Variants in RPS6KC1 observed in about 807,000 individuals in gnomAD.
The protein encoded by RPS6KC1 is ribosomal protein S6 kinase C1.
In RPS6KC1, 54 loss-of-function variants were observed where a neutral mutation model predicts 103.8. The ratio of observed to expected loss-of-function variants is 0.52; its 90% CI spans 0.42 to 0.65. RPS6KC1 has a LOEUF of 0.65. Ranked by LOEUF, RPS6KC1 falls within the 30% of genes least tolerant of loss-of-function variation. The pLI is 0.00. For missense variants in RPS6KC1, 1,151 were observed against 1,253.8 expected, an observed-to-expected ratio of 0.92 and a Z score of 1.24; for synonymous variants, 439 against 438.7, an observed-to-expected ratio of 1.00 and a Z score of -0.01.
At chr1:213,153,276 C>A (rs1398663129) in intron 6 of RPS6KC1, among the ~76,000 whole-genome samples, 2 of 147,484 alleles carry the variant, frequency 1.4e-5, no homozygotes, top group Non-Finnish European at 1.5e-5. Flanking sequence ...GAGGGAGAGG[C>A]AAAGGCAGGC....
the RPS6KC1 span, among the ~76,000 whole-genome samples, chr1:213,849,881 A>G: frequency 2.0e-5 from 3 of 150,050 alleles, no homozygotes; most frequent in Non-Finnish European, 4.4e-5. Flanking sequence ...GGTGGACAGG[A>G]TTTTTTTTTT....
At chr1:213,465,864 C>T in the RPS6KC1 span, among the ~76,000 whole-genome samples, 3 of 152,076 alleles carry the variant, frequency 2.0e-5, no homozygotes, top group Non-Finnish European at 4.4e-5. Flanking sequence ...TTGTGATTCC[C>T]AGGCTCAGTC....
chr1:213,773,701 C>G, the RPS6KC1 span, among the ~76,000 whole-genome samples: 1 of 151,932 alleles, frequency 6.6e-6, no homozygotes, highest in African/African-American at 2.4e-5. Context: ...CTGTTGCAGA[C>G]CTGAGGTGGA....
chr1:213,786,902 T>C, the RPS6KC1 span, among the ~76,000 whole-genome samples: 10 of 152,190 alleles, frequency 6.6e-5, no homozygotes, highest in African/African-American at 2.4e-4. Context: ...CAAAGAAGTC[T>C]ACAGTCTTAT....
At chr1:213,348,057 A>G in the RPS6KC1 span, among the ~76,000 whole-genome samples, 1 of 152,314 alleles carries the variant, frequency 6.6e-6, no homozygotes, top group Middle Eastern at 3.4e-3. Flanking sequence ...GATAGACCCC[A>G]CTAATGACCT....
At chr1:213,728,937 G>GTTTTTTTTTTTTTTTTTTTTT in the RPS6KC1 span, among the ~76,000 whole-genome samples, 124 of 93,428 alleles carry the variant, frequency 1.3e-3, 24 homozygotes, top group Non-Finnish European at 1.4e-3. Flanking sequence ...GAACATGAGG[G>GTTTTTTTTTTTTTTTTTTTTT]TTTTTTTTTT....
the RPS6KC1 span, among the ~76,000 whole-genome samples, chr1:213,312,653 G>A: frequency 1.3e-5 from 2 of 152,234 alleles, no homozygotes; most frequent in South Asian, 4.2e-4. Context: ...CTCAAACCTC[G>A]GTCCTGATTG....
chr1:213,487,294 G>A, the RPS6KC1 span, among the ~76,000 whole-genome samples: 1 of 152,186 alleles, frequency 6.6e-6, no homozygotes, highest in Non-Finnish European at 1.5e-5. Flanking sequence ...TACCTGGGGG[G>A]CTGAGGTAGG....
chr1:213,559,143 C>A, the RPS6KC1 span, among the ~76,000 whole-genome samples: 1 of 152,174 alleles, frequency 6.6e-6, no homozygotes, highest in Non-Finnish European at 1.5e-5. Context: ...TGGATGCCCT[C>A]TAGCTTCATC....
the RPS6KC1 span, among the ~76,000 whole-genome samples, chr1:213,391,292 G>C: frequency 1.3e-5 from 2 of 152,190 alleles, no homozygotes; most frequent in Admixed American, 1.3e-4. Context: ...TGATGAGTGA[G>C]ACGTGAGATG....
chr1:213,728,333 C>T, the RPS6KC1 span, among the ~76,000 whole-genome samples: 1 of 152,096 alleles, frequency 6.6e-6, no homozygotes. Flanking sequence ...CCAAGCTATG[C>T]TAATAATAAA....
At chr1:213,497,261 A>G in the RPS6KC1 span, among the ~76,000 whole-genome samples, 1 of 152,176 alleles carries the variant, frequency 6.6e-6, no homozygotes, top group Non-Finnish European at 1.5e-5. Context: ...CTTTTCCAGC[A>G]TCCATGCAAC....
the RPS6KC1 span, among the ~76,000 whole-genome samples, chr1:213,341,321 G>A: frequency 2.6e-5 from 4 of 152,328 alleles, no homozygotes; most frequent in Admixed American, 2.0e-4. Context: ...TTGGGAGCAG[G>A]TGGATGACTG....
intron 6 of RPS6KC1, among the ~76,000 whole-genome samples, chr1:213,152,206 CG>C (rs1332538541): frequency 1.4e-5 from 2 of 140,280 alleles, no homozygotes; most frequent in Non-Finnish European, 3.1e-5. Flanking sequence ...CCCTCCTGGA[CG>C]GGGCGGCTGG....
chr1:213,783,506 G>A, the RPS6KC1 span, among the ~76,000 whole-genome samples: 1 of 152,208 alleles, frequency 6.6e-6, no homozygotes, highest in Non-Finnish European at 1.5e-5. Context: ...CGCTTTCATG[G>A]AGCTCCTTCC....
rs1176888823 is a variant in RPS6KC1 at position 213,120,143 on chromosome 1, A to G, written c.472+2733A>G. On this transcript the variant is annotated intron_variant, in intron 5 of 14. Coordinates refer to ENST00000366960, the MANE Select transcript of RPS6KC1 (RefSeq NM_012424.6). ...CTGTCAAAAACACGGAAAATGACTT[A>G]TGACATCTAAAAGGAATATTGACAT... Among the ~76,000 whole-genome samples the G allele has an allele frequency of 1.6e-4, 25 of 152,228 alleles. 1 individual carries two copies. Among genetic ancestry groups the G allele is most frequent in the Non-Finnish European group, 2.9e-5 (2 of 68,046 alleles).
rs199581175 is a variant in RPS6KC1, at chr1:213,241,948, A to G, written c.2472A>G (p.Pro824=). 2 of 1,613,878 alleles carry G rather than the reference A, an allele frequency of 1.2e-6. No homozygotes were observed. Among genetic ancestry groups the G allele is most frequent in the South Asian group, 1.1e-5 (1 of 91,076 alleles). The part of the protein sequence containing the change: ...TEESLFRICS[P]LSGANEYIAS... Reference sequence around the variant, plus strand: ...AAAGCTTATTCCGTATTTGTAGTCCACTCTCAGGTGCTAATGAATATATTG... The same window carrying G: ...AAAGCTTATTCCGTATTTGTAGTCCGCTCTCAGGTGCTAATGAATATATTG... The change falls in exon 11 of 15, where the codon CCA becomes CCG. Residue 824 remains proline, a synonymous_variant. Transcript: ENST00000366960.
the RPS6KC1 span, among the ~76,000 whole-genome samples, chr1:213,691,648 T>C: frequency 6.6e-3 from 1,010 of 152,308 alleles, 9 homozygotes; most frequent in Middle Eastern, 0.041. Context: ...ATTAAATTAT[T>C]CTATGTTATA....
the RPS6KC1 span, among the ~76,000 whole-genome samples, chr1:213,564,156 CAAAG>C: frequency 6.6e-6 from 1 of 152,062 alleles, no homozygotes; most frequent in Non-Finnish European, 1.5e-5. Flanking sequence ...TAAAGTATAA[CAAAG>C]AGAAAATCGT....
Sources: gnomAD v4.1 joint callset for allele counts (sites outside exome capture counted in the v4.1 genomes callset) on GRCh38, gnomAD v4.1.1 for gene constraint, MANE v1.5 for transcripts, NCBI Gene and HGNC (gene_info 2026-07-23, HGNC 2026-07-21) for gene names.